The following SGMS1 variants were observed in gnomAD, a reference collection of about 807,000 sequenced individuals.
SGMS1 encodes the protein phosphatidylcholine:ceramide cholinephosphotransferase 1.
A neutral mutation model predicts 46.2 loss-of-function variants in SGMS1; 13 were observed. That is an observed-to-expected ratio of 0.28 (90% confidence interval 0.18 to 0.45). SGMS1 has a LOEUF of 0.45. Ranked by LOEUF, SGMS1 falls within the 20% of genes least tolerant of loss-of-function variation. SGMS1 has a pLI of 1.00. For synonymous variants in SGMS1, 203 were observed against 187.8 expected (o/e 1.08, Z -0.66); for missense variants, 324 against 519.9 (o/e 0.62, Z 3.66).
At chr10:50,420,663 C>T (rs10490963) in intron 6 of SGMS1, among the ~76,000 whole-genome samples, 27,231 of 152,202 alleles carry the variant, frequency 0.18, 2,804 homozygotes, top group Admixed American at 0.23. Flanking sequence ...ACTGGCTGAA[C>T]TGATAATATG....
intron 1 of SGMS1, among the ~76,000 whole-genome samples, chr10:50,618,004 C>A (rs1838813814): frequency 6.6e-6 from 1 of 151,848 alleles, no homozygotes; most frequent in South Asian, 2.1e-4. Flanking sequence ...AGGCATTGAG[C>A]CACCACGCTC....
At chr10:50,577,411 T>C (rs997901010) in intron 2 of SGMS1, among the ~76,000 whole-genome samples, 1 of 151,944 alleles carries the variant, frequency 6.6e-6, no homozygotes, top group Non-Finnish European at 1.5e-5. Flanking sequence ...ATAAAAAAAG[T>C]ATAGAGAAAG....
intron 3 of SGMS1, among the ~76,000 whole-genome samples, chr10:50,494,171 C>T (rs1296819833): frequency 6.6e-6 from 1 of 152,212 alleles, no homozygotes; most frequent in East Asian, 1.9e-4. Context: ...ATGTTATACA[C>T]TGTTGGTGGG....
At chr10:50,458,951 C>T (rs1439628038) in intron 5 of SGMS1, among the ~76,000 whole-genome samples, 1 of 152,092 alleles carries the variant, frequency 6.6e-6, no homozygotes, top group African/African-American at 2.4e-5. Flanking sequence ...CCTGGCTATA[C>T]ACATTGAAAG....
At chr10:50,581,128 T>G (rs1379311632) in intron 2 of SGMS1, among the ~76,000 whole-genome samples, 1 of 152,200 alleles carries the variant, frequency 6.6e-6, no homozygotes, top group African/African-American at 2.4e-5. Flanking sequence ...CAGTTTTGAA[T>G]GCACAGCAAC....
At chr10:50,611,255 T>G (rs1838746571) in intron 1 of SGMS1, among the ~76,000 whole-genome samples, 1 of 152,226 alleles carries the variant, frequency 6.6e-6, no homozygotes, top group South Asian at 2.1e-4. Context: ...GGTCACCCTC[T>G]GCTGCCACAT....
At chr10:50,378,718 T>C (rs1327998722) in intron 6 of SGMS1, among the ~76,000 whole-genome samples, 1 of 152,206 alleles carries the variant, frequency 6.6e-6, no homozygotes, top group Non-Finnish European at 1.5e-5. Flanking sequence ...AGTGGATTTT[T>C]TAAGTGGGAT....
At chr10:50,408,452 A>T (rs1317668321) in intron 6 of SGMS1, among the ~76,000 whole-genome samples, 2 of 148,618 alleles carry the variant, frequency 1.3e-5, no homozygotes, top group South Asian at 2.1e-4. Context: ...AAAAAAAAAA[A>T]AAACAAAATA....
chr10:50,416,406 C>T (rs1176888881), intron 6 of SGMS1, among the ~76,000 whole-genome samples: 2 of 152,170 alleles, frequency 1.3e-5, no homozygotes, highest in African/African-American at 4.8e-5. Context: ...GTAATGTATA[C>T]AAAGCATCTC....
At chr10:50,584,720 T>G (rs1304499640) in intron 2 of SGMS1, among the ~76,000 whole-genome samples, 2 of 152,204 alleles carry the variant, frequency 1.3e-5, no homozygotes, top group Non-Finnish European at 2.9e-5. Context: ...TCCCATTTGA[T>G]GTCTGATGGC....
intron 2 of SGMS1, among the ~76,000 whole-genome samples, chr10:50,577,952 A>G (rs530247579): frequency 3.9e-4 from 59 of 152,310 alleles, no homozygotes; most frequent in South Asian, 8.3e-4. Flanking sequence ...TTACTACACA[A>G]TGACTAAGTG....
intron 3 of SGMS1, among the ~76,000 whole-genome samples, chr10:50,502,864 G>GT (rs1163099415): frequency 2.0e-5 from 3 of 151,992 alleles, no homozygotes; most frequent in Non-Finnish European, 2.9e-5. Flanking sequence ...GAAAATGAAC[G>GT]TATCACCCAA....
chr10:50,377,381 C>T (rs940108947), intron 6 of SGMS1, among the ~76,000 whole-genome samples: 5 of 152,192 alleles, frequency 3.3e-5, no homozygotes, highest in African/African-American at 1.2e-4. Context: ...GCAGAGTCCT[C>T]ATAACTCAAT....
At chr10:50,404,393 G>A (rs1848984350) in intron 6 of SGMS1, among the ~76,000 whole-genome samples, 1 of 151,754 alleles carries the variant, frequency 6.6e-6, no homozygotes, top group African/African-American at 2.4e-5. Flanking sequence ...AACTGCCTGA[G>A]GCCAAGAGTA....
chr10:50,590,567 A>G (rs1294662730), intron 1 of SGMS1: 1 of 152,172 alleles, frequency 6.6e-6, no homozygotes, highest in Non-Finnish European at 1.5e-5. Flanking sequence ...GTACAAGGTG[A>G]TGGTTTTATA....
chr10:50,587,404 G>A (rs1451716765), intron 2 of SGMS1, among the ~76,000 whole-genome samples: 4 of 152,350 alleles, frequency 2.6e-5, no homozygotes, highest in Non-Finnish European at 5.9e-5. Flanking sequence ...GGAGGCCAAG[G>A]CGGGTGGATC....
At chr10:50,475,675 C>T (rs1564923730) in intron 3 of SGMS1, among the ~76,000 whole-genome samples, 1 of 152,088 alleles carries the variant, frequency 6.6e-6, no homozygotes, top group African/African-American at 2.4e-5. Flanking sequence ...GGAGTAGTTT[C>T]TAATAGTTTA....
intron 8 of SGMS1, among the ~76,000 whole-genome samples, chr10:50,311,804 T>A (rs905318924): frequency 1.3e-5 from 2 of 152,202 alleles, no homozygotes; most frequent in Non-Finnish European, 2.9e-5. Flanking sequence ...AATTTAAAGA[T>A]GTATTTTTAT....
intron 2 of SGMS1, among the ~76,000 whole-genome samples, chr10:50,550,550 C>G (rs972148115): frequency 6.6e-6 from 1 of 152,184 alleles, no homozygotes; most frequent in East Asian, 1.9e-4. Flanking sequence ...CCTCCCAGCC[C>G]TCTCCAGCAG....
Sources: allele counts gnomAD v4.1 joint callset (sites outside exome capture counted in the v4.1 genomes callset), GRCh38; gene constraint gnomAD v4.1.1; transcripts MANE v1.5; gene names NCBI Gene and HGNC (gene_info 2026-07-23, HGNC 2026-07-21).